Variants in SNTG1 observed in about 807,000 individuals in gnomAD.
SNTG1 encodes the protein gamma-1-syntrophin.
A neutral mutation model predicts 74.7 loss-of-function variants in SNTG1; 39 were observed. The observed-to-expected ratio is 0.52, with a 90% CI of 0.40 to 0.68. The LOEUF is 0.68. Ranked by LOEUF, SNTG1 falls within the 30% of genes least tolerant of loss-of-function variation. The pLI is 0.00. For missense variants in SNTG1, 685 were observed against 609.5 expected, an observed-to-expected ratio of 1.12 and a Z score of -1.30; for synonymous variants, 254 against 217.1, an observed-to-expected ratio of 1.17 and a Z score of -1.49.
chr8:50,424,467 C>T (rs992320575), intron 4 of SNTG1, among the ~76,000 whole-genome samples: 14 of 152,126 alleles, frequency 9.2e-5, no homozygotes, highest in East Asian at 5.8e-4. Context: ...GGATGAGTGA[C>T]GAAAGTCACT....
At chr8:50,252,613 T>C (rs1370186272) in intron 2 of SNTG1, among the ~76,000 whole-genome samples, 2 of 151,954 alleles carry the variant, frequency 1.3e-5, no homozygotes, top group Non-Finnish European at 2.9e-5. Flanking sequence ...GCTTCCATGG[T>C]GGAAGTTGAA....
intron 1 of SNTG1, among the ~76,000 whole-genome samples, chr8:49,943,313 A>G (rs553301258): frequency 6.6e-5 from 10 of 152,346 alleles, no homozygotes; most frequent in African/African-American, 2.4e-4. Flanking sequence ...TGGCCAATTA[A>G]AGAAAGAATT....
intron 1 of SNTG1, among the ~76,000 whole-genome samples, chr8:50,105,239 T>G (rs2080320715): frequency 6.6e-6 from 1 of 152,170 alleles, no homozygotes; most frequent in African/African-American, 2.4e-5. Flanking sequence ...GCTCCTATCT[T>G]CTGCATATGG....
At chr8:50,102,108 G>C (rs1319324007) in intron 1 of SNTG1, among the ~76,000 whole-genome samples, 1 of 151,272 alleles carries the variant, frequency 6.6e-6, no homozygotes, top group Non-Finnish European at 1.5e-5. Flanking sequence ...GGTATTTCTA[G>C]TTCTAGATCC....
chr8:50,003,728 A>G (rs1186026276), intron 1 of SNTG1, among the ~76,000 whole-genome samples: 1 of 152,160 alleles, frequency 6.6e-6, no homozygotes, highest in Non-Finnish European at 1.5e-5. Context: ...TCTCGTATAT[A>G]TTAAAATAAT....
At chr8:50,508,228 T>G (rs995267139) in intron 9 of SNTG1, among the ~76,000 whole-genome samples, 3 of 152,218 alleles carry the variant, frequency 2.0e-5, no homozygotes, top group Non-Finnish European at 2.9e-5. Flanking sequence ...GTTTCATCCA[T>G]GTCCTTACAA....
chr8:50,282,804 T>C (rs2088549223), intron 2 of SNTG1, among the ~76,000 whole-genome samples: 2 of 151,984 alleles, frequency 1.3e-5, no homozygotes, highest in Non-Finnish European at 1.5e-5. Flanking sequence ...AAATAAAAGC[T>C]GTCTGACAAT....
At chr8:50,258,143 A>G (rs2086974915) in intron 2 of SNTG1, among the ~76,000 whole-genome samples, 1 of 152,232 alleles carries the variant, frequency 6.6e-6, no homozygotes, top group African/African-American at 2.4e-5. Flanking sequence ...TGGAGTGCAG[A>G]ATCAATATGC....
rs561129431 is a variant in SNTG1, at chr8:50,212,248, G to A, written c.-28+39613G>A. ...ATCAGCTCTGTTGCCTGGGCAACAC[G>A]TTTCTTTCCTGTGTTCATCCAGTTC... On this transcript the variant is annotated intron_variant, in intron 2 of 18. Transcript: ENST00000642720. 6.6e-4 allele frequency among the ~76,000 whole-genome samples: 101 copies of A among 152,230 alleles called. 1 individual carries two copies. The South Asian group carries it at 0.011, about 16-fold the overall frequency.
At chr8:50,225,824 A>T (rs1436233127) in intron 2 of SNTG1, among the ~76,000 whole-genome samples, 1 of 152,244 alleles carries the variant, frequency 6.6e-6, no homozygotes, top group Non-Finnish European at 1.5e-5. Flanking sequence ...ATTCTTAATC[A>T]GTAGAGCCAA....
intron 15 of SNTG1, among the ~76,000 whole-genome samples, chr8:50,666,668 C>G (rs1489943984): frequency 1.3e-5 from 2 of 151,986 alleles, no homozygotes; most frequent in African/African-American, 2.4e-5. Flanking sequence ...ATAGAGACAA[C>G]ACAGTAAATT....
At chr8:50,700,456 T>C (rs1040507723) in intron 15 of SNTG1, among the ~76,000 whole-genome samples, 2 of 152,132 alleles carry the variant, frequency 1.3e-5, no homozygotes, top group Non-Finnish European at 2.9e-5. Flanking sequence ...ACCCCTGCTT[T>C]TTCCAAAGTT....
At chr8:50,021,943 A>G in intron 1 of SNTG1, among the ~76,000 whole-genome samples, 1 of 146,672 alleles carries the variant, frequency 6.8e-6, no homozygotes, top group Non-Finnish European at 1.5e-5. Flanking sequence ...CCTCTCAAAA[A>G]AAAAATAAAA....
chr8:50,378,445 C>G (rs1016743448), intron 2 of SNTG1, among the ~76,000 whole-genome samples: 1 of 152,146 alleles, frequency 6.6e-6, no homozygotes, highest in Non-Finnish European at 1.5e-5. Flanking sequence ...TGTTTCAGCC[C>G]TGCTGGTGTT....
intron 12 of SNTG1, among the ~76,000 whole-genome samples, chr8:50,564,281 G>T (rs1454774100): frequency 6.6e-6 from 1 of 151,880 alleles, no homozygotes; most frequent in Non-Finnish European, 1.5e-5. Context: ...ATTGTCATGA[G>T]CTCAAATATT....
At chr8:50,032,131 T>C (rs1321365586) in intron 1 of SNTG1, among the ~76,000 whole-genome samples, 1 of 152,128 alleles carries the variant, frequency 6.6e-6, no homozygotes, top group African/African-American at 2.4e-5. Flanking sequence ...ACTGTAGTGA[T>C]GTTCCTTCCT....
At chr8:50,030,762 T>C (rs888386473) in intron 1 of SNTG1, among the ~76,000 whole-genome samples, 5 of 152,028 alleles carry the variant, frequency 3.3e-5, no homozygotes, top group Admixed American at 2.0e-4. Context: ...ATTTTTTTAA[T>C]TGAATGAAAT....
chr8:50,052,604 T>TA (rs1463056470), intron 1 of SNTG1, among the ~76,000 whole-genome samples: 10 of 152,110 alleles, frequency 6.6e-5, no homozygotes, highest in Non-Finnish European at 1.3e-4. Context: ...AAAGAGTTTT[T>TA]ACCCCAGTGG....
chr8:50,114,878 A>G (rs1047467434), intron 1 of SNTG1, among the ~76,000 whole-genome samples: 25 of 152,134 alleles, frequency 1.6e-4, no homozygotes, highest in Admixed American at 1.3e-4. Context: ...AAAGAAAAAA[A>G]ATATATGAAC....
Sources: gnomAD v4.1 joint callset for allele counts (sites outside exome capture counted in the v4.1 genomes callset) on GRCh38, gnomAD v4.1.1 for gene constraint, MANE v1.5 for transcripts, NCBI Gene and HGNC (gene_info 2026-07-23, HGNC 2026-07-21) for gene names.